The following PCSK6 variants were observed in gnomAD, a reference collection of about 807,000 sequenced individuals.
The protein encoded by PCSK6 is proprotein convertase subtilisin/kexin type 6.
Under a neutral mutation model 123.3 loss-of-function variants are expected in PCSK6, and 85 were observed. The observed-to-expected ratio is 0.69, with a 90% confidence interval of 0.58 to 0.83. The LOEUF is 0.83. Among genes scored for constraint, PCSK6 ranks in the 40% least tolerant of loss-of-function variants. PCSK6 has a pLI of 0.00. For synonymous variants in PCSK6, 508 were observed against 516.0 expected, an observed-to-expected ratio of 0.98 and a Z score of 0.21; for missense variants, 1,191 against 1,282.3, an observed-to-expected ratio of 0.93 and a Z score of 1.09.
intron 7 of PCSK6, among the ~76,000 whole-genome samples, chr15:101,394,844 C>G (rs1488380648): frequency 1.3e-5 from 2 of 152,224 alleles, no homozygotes; most frequent in Non-Finnish European, 2.9e-5. Flanking sequence ...TCTTGGAGCT[C>G]ACGCAGCCCC....
chr15:101,389,865 A>T (rs1283655763), intron 8 of PCSK6, among the ~76,000 whole-genome samples: 2 of 152,178 alleles, frequency 1.3e-5, no homozygotes, highest in Non-Finnish European at 2.9e-5. Context: ...CGCATGTGGA[A>T]AAAATGGTAA....
intron 11 of PCSK6, among the ~76,000 whole-genome samples, chr15:101,373,082 A>G (rs959046610): frequency 8.1e-6 from 1 of 124,108 alleles, no homozygotes; most frequent in Non-Finnish European, 1.7e-5. Flanking sequence ...GAACACCTAG[A>G]AAAAAAAAAT....
At position 101,432,120 on chromosome 15, in the gene PCSK6, T is replaced by C. The variant is rs772924406; in HGVS notation, c.403-20A>G. 3.7e-5 allele frequency: 58 copies of C among 1,575,798 alleles called. No homozygotes were observed. Among genetic ancestry groups the C allele is most frequent in the Non-Finnish European group, 5.0e-5 (58 of 1,149,532 alleles). ...TTTCACCTACCAGAAGAAATGCAAT[T>C]ACTGTTTATATTAGAAATGATTTCT... On this transcript the variant is annotated intron_variant, in intron 2 of 21. Transcript: ENST00000611716.
At chr15:101,372,894 C>G (rs1029339936) in intron 11 of PCSK6, among the ~76,000 whole-genome samples, 1 of 152,144 alleles carries the variant, frequency 6.6e-6, no homozygotes, top group African/African-American at 2.4e-5. Flanking sequence ...ACCAATTGCT[C>G]ATCGGTAGGG....
intron 1 of PCSK6, 65 bp downstream of exon 1, chr15:101,489,309 G>GC: frequency 1.0e-6 from 1 of 1,003,448 alleles, no homozygotes; most frequent in Non-Finnish European, 1.2e-6. Context: ...CTGCGGAGGC[G>GC]CCCCCCTCGC....
chr15:101,397,599 G>A (rs59185289), intron 7 of PCSK6, among the ~76,000 whole-genome samples: 2 of 152,126 alleles, frequency 1.3e-5, no homozygotes, highest in East Asian at 1.9e-4. Flanking sequence ...CACATTGTAC[G>A]TTGGGCTGGG....
At chr15:101,414,282 G>C (rs542678153) in intron 6 of PCSK6, among the ~76,000 whole-genome samples, 103 of 151,902 alleles carry the variant, frequency 6.8e-4, no homozygotes, top group Non-Finnish European at 1.2e-3. Context: ...CCTATAGCAA[G>C]CACTCAAAAT....
intron 7 of PCSK6, among the ~76,000 whole-genome samples, chr15:101,395,443 A>G (rs1477534186): frequency 6.6e-6 from 1 of 152,242 alleles, no homozygotes; most frequent in Non-Finnish European, 1.5e-5. Flanking sequence ...TGTAGCATGC[A>G]TTTACTATGA....
intron 1 of PCSK6, among the ~76,000 whole-genome samples, chr15:101,470,908 G>C (rs1458731068): frequency 6.6e-6 from 1 of 152,196 alleles, no homozygotes; most frequent in Non-Finnish European, 1.5e-5. Context: ...CACAAAGTCA[G>C]CAATTCAAAT....
rs753050909 is a variant in PCSK6, at chr15:101,382,060, G to A, written c.1532+32C>T. 1.0e-4 allele frequency: 154 copies of A among 1,483,250 alleles called. 1 individual carries two copies. The South Asian group carries it at 1.4e-3, about 13-fold the overall frequency. The allele number at this position is 1,483,250 out of a possible 1,614,324, so 91.9% of individuals were successfully genotyped here. On this transcript the variant is annotated intron_variant, in intron 11 of 21. Transcript: ENST00000611716. ...GAGTCAGCTCCAAACCCACGTGCCT[G>A]AGAAGTCACCGATGCCACAGCAGAG... is the stretch of plus-strand genomic sequence containing the variant.
At position 101,398,419 on chromosome 15, in the gene PCSK6, C is replaced by T. The variant is rs2042481430; in HGVS notation, c.981G>A (p.Glu327=). ...GPGRLAKQAF[E]YGIKKGRQGL... is the part of the protein sequence containing the mutation. ...TTACTCACACCTTTTTAATGCCATA[C>T]TCGAAAGCCTGCTTAGCCAGTCGGC... The change falls in exon 7 of 22, where the codon GAG becomes GAA. Residue 327 remains glutamate (E), a synonymous_variant. Coordinates refer to ENST00000611716, the MANE Select transcript of PCSK6 (RefSeq NM_002570.5). This position sits in a 1 kb window ranked among gnomAD's most constrained non-coding sequence, Gnocchi z 4.6. The T allele has an allele frequency of 1.9e-6, 3 of 1,611,816 alleles. No homozygotes were observed. The highest frequency in any genetic ancestry group is 1.1e-5 in the South Asian group (1 of 90,914).
intron 6 of PCSK6, among the ~76,000 whole-genome samples, chr15:101,410,345 A>C (rs1367036960): frequency 6.6e-6 from 1 of 152,134 alleles, no homozygotes. Flanking sequence ...GGAGCCCCCC[A>C]CCACCAATGC....
chr15:101,466,263 A>T (rs1185952964), intron 1 of PCSK6, among the ~76,000 whole-genome samples: 1 of 152,220 alleles, frequency 6.6e-6, no homozygotes. Context: ...AATGACCAAA[A>T]AGCACAGGAA....
chr15:101,428,509 A>G (rs1326597191), intron 5 of PCSK6, among the ~76,000 whole-genome samples: 1 of 152,228 alleles, frequency 6.6e-6, no homozygotes, highest in Non-Finnish European at 1.5e-5. Flanking sequence ...TTCTAAGGCC[A>G]TTTAAGCTGG....
intron 1 of PCSK6, among the ~76,000 whole-genome samples, chr15:101,464,814 T>C (rs4965875): frequency 0.55 from 83,886 of 151,984 alleles, 24,759 homozygotes; most frequent in Non-Finnish European, 0.68. Context: ...AAGAAGTCCA[T>C]GGAGGCTGTC....
rs1207899331 is a variant in PCSK6 at position 101,398,477 on chromosome 15, G to A, written c.923C>T (p.Pro308Leu). Residue 308 changes from proline to leucine, a missense_variant, in exon 7 of 22, where the codon CCG becomes CTG. Physicochemically the swap from Pro to Leu is moderately conservative, Grantham distance 98 (BLOSUM62 -3). Coordinates refer to ENST00000611716, the MANE Select transcript of PCSK6 (RefSeq NM_002570.5). The surrounding 1 kb of genome is among the most constrained non-coding windows in gnomAD (Gnocchi z 4.6). ...YIDIYSASWG[P>L]DDDGKTVDGP... Reference sequence around the variant, plus strand: ...GTCCACCGTCTTGCCGTCGTCGTCCGGCCCCCAGCTGGCACTGTAAATGTC... The same window carrying A: ...GTCCACCGTCTTGCCGTCGTCGTCCAGCCCCCAGCTGGCACTGTAAATGTC... 22 of 1,613,940 alleles carry A rather than the reference G, an allele frequency of 1.4e-5. No homozygotes were observed. The highest frequency in any genetic ancestry group is 2.2e-5 in the East Asian group (1 of 44,880).
intron 1 of PCSK6, among the ~76,000 whole-genome samples, chr15:101,450,034 C>A (rs1415397369): frequency 6.6e-6 from 1 of 152,148 alleles, no homozygotes; most frequent in African/African-American, 2.4e-5. Flanking sequence ...TGCACCCTCG[C>A]CATCCTGCAC....
At chr15:101,481,960 A>C (rs2057897765) in intron 1 of PCSK6, among the ~76,000 whole-genome samples, 2 of 152,338 alleles carry the variant, frequency 1.3e-5, no homozygotes, top group South Asian at 4.2e-4. Context: ...AGACAGAGCC[A>C]TGCTGGTGTG....
chr15:101,403,873 C>T (rs1259035286), intron 6 of PCSK6, among the ~76,000 whole-genome samples: 2 of 152,182 alleles, frequency 1.3e-5, no homozygotes, highest in Non-Finnish European at 2.9e-5. Context: ...GCGCCCGCCA[C>T]CACACACGGC....
Sources: gnomAD v4.1 joint callset for allele counts (sites outside exome capture counted in the v4.1 genomes callset) on GRCh38, gnomAD v4.1.1 for gene constraint, Gnocchi (gnomAD v3.1) non-coding constraint, MANE v1.5 for transcripts, NCBI Gene and HGNC (gene_info 2026-07-23, HGNC 2026-07-21) for gene names.